The following DEPDC7 variants were observed in gnomAD, a reference collection of about 807,000 sequenced individuals.
DEPDC7 encodes DEP domain-containing protein 7.
DEPDC7 carries 41 observed loss-of-function variants against 56.6 expected under a neutral mutation model. The ratio of observed to expected loss-of-function variants is 0.72; its 90% CI spans 0.56 to 0.94. The LOEUF (loss-of-function observed/expected upper bound fraction) is 0.94. Among genes scored for constraint, DEPDC7 ranks in the 40% least tolerant of loss-of-function variants. The pLI, the probability that DEPDC7 is intolerant of heterozygous loss-of-function variation, is 0.00. For missense variants in DEPDC7, 522 were observed against 596.3 expected (o/e 0.88, Z 1.30); for synonymous variants, 185 against 208.8 (o/e 0.89, Z 0.98).
In DEPDC7 at chr11:33,025,822, A is replaced by G; in HGVS notation, c.237A>G (p.Leu79=). 1.9e-6 allele frequency: 3 copies of G among 1,614,160 alleles called. No individual in the cohort carries two copies. The South Asian group carries it at 3.3e-5, about 18-fold the overall frequency. Residue 79 remains leucine (L), a synonymous_variant, in exon 2 of 9, where the codon CTA becomes CTG. Transcript: ENST00000241051. ...CTGTGGATGTCATTTTTTCTCACCT[A>G]ATTCAGAATAAGTATTTTGGTGATG... The part of the protein sequence containing the change: ...SEAVDVIFSH[L]IQNKYFGDVD...
chr11:33,025,887 C>T lies in DEPDC7; in HGVS notation c.302C>T (p.Ala101Val), dbSNP rs372513278. Residue 101 changes from alanine to valine, a missense_variant, in exon 2 of 9, where the codon GCG becomes GTG. Transcript: ENST00000241051. ...GCCAAAGTGGTGAGAGTGTGTCAAG[C>T]GCTTATGGACTACAAAGTATTTGAA... The part of the protein sequence containing the change: ...PRAKVVRVCQ[A>V]LMDYKVFEAV... The T allele has an allele frequency of 1.3e-4, 216 of 1,614,078 alleles. No individual in the cohort carries two copies. The South Asian group carries it at 1.7e-3, about 13-fold the overall frequency.
At chr11:33,022,767 T>C (rs1853535633) in intron 1 of DEPDC7, among the ~76,000 whole-genome samples, 1 of 152,192 alleles carries the variant, frequency 6.6e-6, no homozygotes, top group Admixed American at 6.5e-5. Context: ...TGCCTCATTC[T>C]TGCTCTGTTC....
chr11:33,032,606 C>G, intron 6 of DEPDC7, 62 bp from the exon 7 acceptor site: 1 of 1,342,774 alleles, frequency 7.4e-7, no homozygotes, highest in Admixed American at 2.5e-5. Flanking sequence ...TTAATATTCC[C>G]TTTTATATTA....
intron 1 of DEPDC7, among the ~76,000 whole-genome samples, chr11:33,024,802 CTGTGTGTGTGTGTGTGTG>C (rs35371602): frequency 2.7e-5 from 4 of 146,510 alleles, no homozygotes; most frequent in Admixed American, 6.9e-5. Context: ...ATGCATGACT[CTGTGTGTGTGTGTGTGTG>C]TGTGTGTGTG....
rs200057806 is a variant in DEPDC7 at position 33,025,767 on chromosome 11, G to A, written c.182G>A (p.Arg61Gln). The A allele has an allele frequency of 9.6e-5, 155 of 1,613,998 alleles. No individual in the cohort carries two copies. The highest frequency in any genetic ancestry group is 1.3e-4 in the Non-Finnish European group (148 of 1,180,030). The change falls in exon 2 of 9, where the codon CGA becomes CAA. Residue 61 changes from arginine (R) to glutamine (Q), a missense_variant. Arg to Gln is a conservative substitution (Grantham distance 43, BLOSUM62 1). Transcript: ENST00000241051. ...AAAAAACGAAGGCACCGTTTAAAACGACATAATGACTGCTTTGTTGGTTCA... is the reference window on the plus strand; with the variant it reads ...AAAAAACGAAGGCACCGTTTAAAACAACATAATGACTGCTTTGTTGGTTCA... ...EVKKRRHRLK[R>Q]HNDCFVGSEA...
chr11:33,020,328 T>C (rs1351022793), intron 1 of DEPDC7, among the ~76,000 whole-genome samples: 1 of 152,204 alleles, frequency 6.6e-6, no homozygotes, highest in East Asian at 1.9e-4. Flanking sequence ...GTAAACGTTT[T>C]TTATGGTAGA....
chr11:33,032,193 T>G, intron 5 of DEPDC7, 143 bp from the exon 6 acceptor site: 1 of 725,266 alleles, frequency 1.4e-6, no homozygotes, highest in Non-Finnish European at 2.2e-6. Flanking sequence ...TCACCATTCA[T>G]TGTTAATTCC....
In DEPDC7 at chr11:33,026,058, A is replaced by G. The variant is rs142562030; in HGVS notation, c.464+9A>G. On this transcript the variant is annotated intron_variant, in intron 2 of 8. Coordinates refer to ENST00000241051, the MANE Select transcript of DEPDC7 (RefSeq NM_001077242.2). The stretch of plus-strand genomic sequence containing the variant: ...CTATATTCACCTGCCAGGTTGGTAT[A>G]TAATGTTAGATTATCACGGGAATAT... The G allele has an allele frequency of 4.0e-4, 642 of 1,613,530 alleles. 8 individuals carry two copies. In the East Asian group the frequency reaches 0.013, roughly 31 times the overall value.
chr11:33,027,620 C>T, intron 2 of DEPDC7, 66 bp from the exon 3 acceptor site: 1 of 1,386,014 alleles, frequency 7.2e-7, no homozygotes, highest in African/African-American at 1.5e-5. Flanking sequence ...AAACTCTTAG[C>T]TCTCAAATAC....
intron 2 of DEPDC7, chr11:33,026,533 G>A (rs962349277): frequency 4.4e-5 from 9 of 206,290 alleles, no homozygotes; most frequent in Non-Finnish European, 9.0e-5. Context: ...AAACTGTGCA[G>A]TGGTGACACA....
chr11:33,030,700 C>CA (rs1358093625), intron 4 of DEPDC7, among the ~76,000 whole-genome samples: 1 of 152,112 alleles, frequency 6.6e-6, no homozygotes, highest in East Asian at 1.9e-4. Context: ...TCTCCCACCT[C>CA]AGCCTCCCAA....
At position 33,032,963 on chromosome 11, in the gene DEPDC7, T is replaced by C. The variant is rs551205887; in HGVS notation, c.1338T>C (p.Asp446=). 577 of 1,574,668 alleles carry C rather than the reference T, an allele frequency of 3.7e-4. 4 individuals are homozygous for C. In the South Asian group the frequency reaches 6.5e-3, roughly 18 times the overall value. ...AGAACGGAAGAGATCCAAATAGAGA[T>C]GCAGGTAATCTGAGAAATATTATTT... is the stretch of plus-strand genomic sequence containing the variant. The part of the protein sequence containing the change: ...AIQNGRDPNR[D]AGYIYCQRID... The change falls in exon 8 of 9, where the codon GAT becomes GAC. Residue 446 remains aspartate (D), a synonymous_variant. Coordinates refer to ENST00000241051, the MANE Select transcript of DEPDC7 (RefSeq NM_001077242.2).
chr11:33,033,419 T>C lies in DEPDC7; in HGVS notation c.1500T>C (p.Cys500=). The C allele has an allele frequency of 6.2e-7, 1 of 1,603,522 alleles. No individual in the cohort carries two copies. Reference sequence around the variant, plus strand: ...AATTGCTAGGTCAATTCTATAAGTGTCACCCAGACATCTTTATTGAGCATT... The same window carrying C: ...AATTGCTAGGTCAATTCTATAAGTGCCACCCAGACATCTTTATTGAGCATT... ...KKKLLGQFYK[C]HPDIFIEHFG... is the part of the protein sequence containing the mutation. The change falls in exon 9 of 9, where the codon TGT becomes TGC. Residue 500 remains cysteine, a synonymous_variant. Transcript: ENST00000241051.
chr11:33,024,562 A>G (rs1056803131), intron 1 of DEPDC7, among the ~76,000 whole-genome samples: 3 of 152,160 alleles, frequency 2.0e-5, no homozygotes, highest in African/African-American at 7.2e-5. Flanking sequence ...CCTTGATGGT[A>G]TAGCCTGCTA....
Position 33,027,726 on chromosome 11 carries a change from G to A in DEPDC7, c.505G>A (p.Ala169Thr). Residue 169 changes from alanine (A) to threonine (T), a missense_variant, in exon 3 of 9, where the codon GCC becomes ACC. Coordinates refer to ENST00000241051, the MANE Select transcript of DEPDC7 (RefSeq NM_001077242.2). ...ATTTAAGTCATCCGATATCAGATCA[G>A]CCAGTTTAGAGGACCTGTGGGAAAA... is the stretch of plus-strand genomic sequence containing the variant. ...ALFKSSDIRS[A>T]SLEDLWENLS... 1 of 1,567,288 alleles carries A rather than the reference G, an allele frequency of 6.4e-7. No individual in the cohort carries two copies. Among genetic ancestry groups the A allele is most frequent in the Non-Finnish European group, 8.6e-7 (1 of 1,164,046 alleles).
chr11:33,019,931 T>G (rs1470441286), intron 1 of DEPDC7, among the ~76,000 whole-genome samples: 1 of 151,872 alleles, frequency 6.6e-6, no homozygotes, highest in Admixed American at 6.6e-5. Context: ...GGAAACAAAT[T>G]TGTTATATGT....
intron 4 of DEPDC7, among the ~76,000 whole-genome samples, chr11:33,030,452 C>CAATAGATA (rs1554938767): frequency 1.2e-4 from 18 of 150,860 alleles, no homozygotes; most frequent in African/African-American, 3.7e-4. Context: ...TGCTTTTTAA[C>CAATAGATA]GATAGATAGA....
chr11:33,028,796 T>C lies in DEPDC7; in HGVS notation c.782+4T>C, dbSNP rs1213728194. 6.3e-7 allele frequency: 1 copy of C among 1,592,594 alleles called. No homozygotes were observed. ...TCAAGGCTTATAGTGACTCTCAGTA[T>C]GTGGAAATACATATAATAATTTGAG... On this transcript the variant is annotated splice_donor_region_variant and intron_variant, in intron 4 of 8. Coordinates refer to ENST00000241051, the MANE Select transcript of DEPDC7 (RefSeq NM_001077242.2).
rs537760978 is a variant in DEPDC7 at position 33,023,759 on chromosome 11, A to G, written c.74-1900A>G. On this transcript the variant is annotated intron_variant, in intron 1 of 8. Coordinates refer to ENST00000241051, the MANE Select transcript of DEPDC7 (RefSeq NM_001077242.2). ...TTCGGCAGGCTGTAAAGGAGTTTTA[A>G]TAATGTCCTTCAGGAGCTTATCTTA... Among the ~76,000 whole-genome samples the G allele has an allele frequency of 2.7e-3, 413 of 152,292 alleles. 2 individuals carry two copies. The highest frequency in any genetic ancestry group is 4.5e-3 in the Non-Finnish European group (306 of 68,022).
Sources: gnomAD v4.1 joint callset for allele counts (sites outside exome capture counted in the v4.1 genomes callset) on GRCh38, gnomAD v4.1.1 for gene constraint, MANE v1.5 for transcripts, NCBI Gene and HGNC (gene_info 2026-07-23, HGNC 2026-07-21) for gene names.